The following MACF1 variants were observed in gnomAD, a reference collection of about 807,000 sequenced individuals.
MACF1 encodes microtubule actin crosslinking factor 1.
A neutral mutation model predicts 854.8 loss-of-function variants in MACF1; 193 were observed. That is an observed-to-expected ratio of 0.23 (90% CI 0.20 to 0.25). The LOEUF is 0.25. MACF1 is among the 10% of genes least tolerant of loss of function. MACF1 has a pLI of 1.00. For synonymous variants in MACF1, 3,185 were observed against 3,226.7 expected (o/e 0.99, Z 0.44); for missense variants, 7,722 against 8,929.1 (o/e 0.86, Z 5.45).
intron 84 of MACF1, among the ~76,000 whole-genome samples, chr1:39,449,329 T>C (rs1234358584): frequency 2.6e-5 from 4 of 152,226 alleles, no homozygotes; most frequent in Admixed American, 2.6e-4. Context: ...GTTCTAAAAG[T>C]TGTACTTTTA....
chr1:39,105,549 G>A lies in MACF1; in HGVS notation c.220+21111G>A. On this transcript the variant is annotated intron_variant, in intron 2 of 93. Transcript: ENST00000361689. The surrounding 1 kb of genome is among the most constrained non-coding windows in gnomAD (Gnocchi z 5.9). ...GAGACGCACAAAGGGTCGAGGCTGG[G>A]GCCGCCGCCGCCTCAGCGCGCGGGC... is the stretch of plus-strand genomic sequence containing the variant. 1 of 1,066,552 alleles carries A rather than the reference G, an allele frequency of 9.4e-7. No individual in the cohort carries two copies. The highest frequency in any genetic ancestry group is 1.1e-6 in the Non-Finnish European group (1 of 880,888). 66.1% of individuals were successfully genotyped at this position (1,066,552 alleles called of 1,614,324 possible). A position where few individuals can be genotyped will look rare whatever the true frequency, so the allele number is the denominator to read the frequency against.
intron 43 of MACF1, among the ~76,000 whole-genome samples, chr1:39,351,998 C>T (rs550394968): frequency 3.3e-5 from 5 of 152,194 alleles, no homozygotes; most frequent in African/African-American, 1.2e-4. Flanking sequence ...TCTATAGTTA[C>T]GATGGGAATC....
intron 2 of MACF1, 171 bp from the exon 3 acceptor site, chr1:39,249,841 TCA>T (rs1379325254): frequency 2.0e-6 from 1 of 504,340 alleles, no homozygotes; most frequent in Admixed American, 3.6e-5. Context: ...TAAAGTATTA[TCA>T]TTTCACATGT....
Position 39,335,000 on chromosome 1 carries a change from T to G in MACF1, c.8412T>G (p.Ser2804Arg), listed in dbSNP as rs1282090242. ...LIACNQTAEM[S>R]CNKVEESERL... Reference sequence around the variant, plus strand: ...CTTGTAATCAGACTGCTGAAATGAGTTGTAATAAAGTAGAAGAGAGTGAGA... The same window carrying G: ...CTTGTAATCAGACTGCTGAAATGAGGTGTAATAAAGTAGAAGAGAGTGAGA... The change falls in exon 37 of 101, where the codon AGT (serine) becomes AGG (arginine). Residue 2804 changes from serine (S) to arginine (R), a missense_variant. Coordinates refer to ENST00000564288, the MANE Select transcript of MACF1 (RefSeq NM_001394062.1). 2 of 1,613,976 alleles carry G rather than the reference T, an allele frequency of 1.2e-6. No individual in the cohort carries two copies. The highest frequency in any genetic ancestry group is 2.2e-5 in the South Asian group (2 of 91,082).
At chr1:39,218,805 C>G (rs1440725694) in intron 1 of MACF1, among the ~76,000 whole-genome samples, 1 of 152,040 alleles carries the variant, frequency 6.6e-6, no homozygotes, top group Admixed American at 6.6e-5. Context: ...AGACAGAGTC[C>G]TGCTTTGCTC....
At chr1:39,446,035 C>G (rs1227434623) in intron 80 of MACF1, among the ~76,000 whole-genome samples, 1 of 152,208 alleles carries the variant, frequency 6.6e-6, no homozygotes, top group Non-Finnish European at 1.5e-5. Context: ...ATTAAATAAA[C>G]TGAGACAGAT....
intron 66 of MACF1, among the ~76,000 whole-genome samples, chr1:39,431,472 A>G (rs1643874771): frequency 6.6e-6 from 1 of 152,180 alleles, no homozygotes; most frequent in South Asian, 2.1e-4. Context: ...AAATAAGTTA[A>G]TATAACTCCT....
chr1:39,215,434 G>A (rs1001498737), intron 1 of MACF1: 1 of 137,208 alleles, frequency 7.3e-6, no homozygotes, highest in South Asian at 2.7e-4. Context: ...GTATGGGTTA[G>A]TATGTGAAGT....
chr1:39,199,508 T>G (rs1220572236), intron 2 of MACF1, among the ~76,000 whole-genome samples: 1 of 151,942 alleles, frequency 6.6e-6, no homozygotes, highest in Non-Finnish European at 1.5e-5. Flanking sequence ...AAAGCTCAGG[T>G]GTCAGCTCAT....
chr1:39,468,852 G>C, intron 96 of MACF1, 120 bp downstream of exon 96: 1 of 884,054 alleles, frequency 1.1e-6, no homozygotes, highest in Admixed American at 2.0e-5. Context: ...AAGCTGCCCA[G>C]GTGTCATCCC....
chr1:39,401,596 T>C (rs1179747816), intron 58 of MACF1, among the ~76,000 whole-genome samples: 1 of 152,228 alleles, frequency 6.6e-6, no homozygotes, highest in Non-Finnish European at 1.5e-5. Flanking sequence ...TCAGCAAATA[T>C]GTGTTTTTAA....
chr1:39,357,265 C>A, intron 44 of MACF1, 110 bp from the exon 45 acceptor site: 1 of 1,221,428 alleles, frequency 8.2e-7, no homozygotes, highest in Non-Finnish European at 1.2e-6. Context: ...AAGACCAAGG[C>A]TGAATGTAAG....
rs768293685 is a variant in MACF1, at chr1:39,484,745, C to T, written c.22411+15C>T. ...TAATCGGGCAGGTAAGTACCTGCCC[C>T]GTGACCTACAAGCCAGGCTGAGAAT... On this transcript the variant is annotated intron_variant, in intron 100 of 100. Transcript: ENST00000564288. 2.2e-5 allele frequency: 36 copies of T among 1,613,916 alleles called. No individual in the cohort carries two copies. The highest frequency in any genetic ancestry group is 5.3e-5 in the African/African-American group (4 of 74,914).
chr1:39,442,823 G>A lies in MACF1; in HGVS notation c.19214G>A (p.Ser6405Asn), dbSNP rs999019682. The A allele has an allele frequency of 9.9e-6, 16 of 1,614,136 alleles. No individual in the cohort carries two copies. In the Middle Eastern group the frequency reaches 5.0e-4, roughly 50 times the overall value. Reference protein sequence around the residue: ...SAGDDASSLRSRLEAMNQCWE... With the variant: ...SAGDDASSLRNRLEAMNQCWE... Reference sequence around the variant, plus strand: ...GGAGATGATGCCAGCAGCTTAAGGAGCCGTTTGGAAGCCATGAACCAATGC... The same window carrying A: ...GGAGATGATGCCAGCAGCTTAAGGAACCGTTTGGAAGCCATGAACCAATGC... The change falls in exon 78 of 101, where the codon AGC becomes AAC. Residue 6405 changes from serine (S) to asparagine (N), a missense_variant. Physicochemically the swap from Ser to Asn is conservative, Grantham distance 46. Coordinates refer to ENST00000564288, the MANE Select transcript of MACF1 (RefSeq NM_001394062.1).
At chr1:39,368,098 A>AT (rs1425007165) in intron 49 of MACF1, 50 bp from the exon 50 acceptor site, 2 of 1,508,118 alleles carry the variant, frequency 1.3e-6, no homozygotes, top group Admixed American at 3.4e-5. Flanking sequence ...TTTTTAGAGT[A>AT]TATTTATAAG....
At chr1:39,343,887 G>A (rs1646987928) in intron 40 of MACF1, among the ~76,000 whole-genome samples, 1 of 152,120 alleles carries the variant, frequency 6.6e-6, no homozygotes, top group Non-Finnish European at 1.5e-5. Context: ...AGGCCGAGGC[G>A]GGCGGATCAC....
Position 39,358,744 on chromosome 1 carries a change from T to C in MACF1, c.11991T>C (p.His3997=), listed in dbSNP as rs1264819082. 5 of 1,614,000 alleles carry C rather than the reference T, an allele frequency of 3.1e-6. No homozygotes were observed. The highest frequency in any genetic ancestry group is 1.3e-5 in the African/African-American group (1 of 74,922). ...SHLNMLLGQY[H]QFQNSADSLQ... is the part of the protein sequence containing the mutation. ...TGAATATGCTGTTAGGCCAGTATCATCAATTCCAAAACAGTGCTGACAGCC... is the reference window on the plus strand; with the variant it reads ...TGAATATGCTGTTAGGCCAGTATCACCAATTCCAAAACAGTGCTGACAGCC... The change falls in exon 46 of 101, where the codon CAT becomes CAC. Residue 3997 remains histidine, a synonymous_variant. Transcript: ENST00000564288.
chr1:39,340,619 G>T lies in MACF1; in HGVS notation c.10333G>T (p.Glu3445Ter). 6.2e-7 allele frequency: 1 copy of T among 1,614,182 alleles called. No homozygotes were observed. The highest frequency in any genetic ancestry group is 1.1e-5 in the South Asian group (1 of 91,074). The change falls in exon 39 of 101, where the codon GAG (glutamate) becomes TAG (stop). Residue 3445 changes from glutamate (E) to a stop codon, truncating the protein, a stop_gained. Coordinates refer to ENST00000564288, the MANE Select transcript of MACF1 (RefSeq NM_001394062.1). LOFTEE classifies it high-confidence loss of function. ...TCCTGCTCAACTGTTGAAGGCTCTA[G>T]AGAAAGATGCCAAGAATCTTCAGAA... The part of the protein sequence containing the change: ...EVPAQLLKAL[E>*]KDAKNLQKSL...
At chr1:39,338,257 G>A (rs1281546382) in intron 38 of MACF1, among the ~76,000 whole-genome samples, 1 of 138,638 alleles carries the variant, frequency 7.2e-6, no homozygotes, top group Non-Finnish European at 1.6e-5. Context: ...GGTTTTTTGG[G>A]TTGTTTTTTT....
Sources: gnomAD v4.1 joint callset for allele counts (sites outside exome capture counted in the v4.1 genomes callset) on GRCh38, gnomAD v4.1.1 for gene constraint, Gnocchi (gnomAD v3.1) non-coding constraint, MANE v1.5 for transcripts, NCBI Gene and HGNC (gene_info 2026-07-23, HGNC 2026-07-21) for gene names.